Variants in NOMO3 observed in about 807,000 individuals in gnomAD.
NOMO3 encodes the protein NODAL modulator 3.
A neutral mutation model predicts 69.9 loss-of-function variants in NOMO3; 15 were observed. The observed-to-expected ratio is 0.21, with a 90% CI of 0.14 to 0.33. The LOEUF (loss-of-function observed/expected upper bound fraction) is 0.33, where lower values mean the gene tolerates loss of function less well. Ranked by LOEUF, NOMO3 falls within the 10% of genes least tolerant of loss-of-function variation. The probability of loss-of-function intolerance (pLI) is 1.00; values close to 1 mark genes in which losing one functional copy is unlikely to be tolerated. For missense variants in NOMO3, 218 were observed against 761.0 expected, an observed-to-expected ratio of 0.29 and a Z score of 8.39; for synonymous variants, 89 against 301.9, an observed-to-expected ratio of 0.29 and a Z score of 7.31.
intron 3 of NOMO3, among the ~76,000 whole-genome samples, chr16:16,242,018 G>GT (rs1386134875): frequency 2.8e-5 from 4 of 142,720 alleles, no homozygotes; most frequent in African/African-American, 5.7e-5. Flanking sequence ...GATATCGTCA[G>GT]TTTTTTTTAA....
At chr16:16,236,231 A>T (rs2049325864) in intron 1 of NOMO3, among the ~76,000 whole-genome samples, 1 of 145,456 alleles carries the variant, frequency 6.9e-6, no homozygotes, top group Non-Finnish European at 1.5e-5. Context: ...AGGAATTTGC[A>T]ATTTATTTTA....
chr16:16,248,143 G>GT (rs1442240809), intron 6 of NOMO3, among the ~76,000 whole-genome samples: 2 of 42,032 alleles, frequency 4.8e-5, no homozygotes, highest in Non-Finnish European at 8.2e-5. Flanking sequence ...CTGGAGTGCA[G>GT]TGGCATGATT....
intron 5 of NOMO3, among the ~76,000 whole-genome samples, chr16:16,246,402 G>GTT (rs1430558180): frequency 7.1e-6 from 1 of 140,192 alleles, no homozygotes; most frequent in Non-Finnish European, 1.5e-5. Context: ...ATATGGAGCT[G>GTT]TAATTTTTTT....
intron 6 of NOMO3, among the ~76,000 whole-genome samples, chr16:16,248,081 C>CTTTT (rs1169035278): frequency 1.1e-5 from 1 of 87,140 alleles, no homozygotes; most frequent in African/African-American, 6.8e-5. Context: ...TGGATACAGT[C>CTTTT]TTTTTTTTTT....
chr16:16,243,464 G>T (rs1383919167), intron 4 of NOMO3, among the ~76,000 whole-genome samples: 1 of 143,564 alleles, frequency 7.0e-6, no homozygotes, highest in Non-Finnish European at 1.5e-5. Context: ...TGAGGTTGCT[G>T]GTCATCCCCT....
chr16:16,238,295 C>T (rs1272151227), intron 2 of NOMO3, among the ~76,000 whole-genome samples: 6 of 135,452 alleles, frequency 4.4e-5, no homozygotes, highest in Non-Finnish European at 9.2e-5. Flanking sequence ...TGCAGTGGCG[C>T]GATCTCGGCT....
In NOMO3 at chr16:16,233,509, T is replaced by G. The variant is rs1322856508; in HGVS notation, c.165+678T>G. The stretch of plus-strand genomic sequence containing the variant: ...TAGAGATTTGTGCTGAAGGTTTTTT[T>G]TTTTTTTTTTTTTAATTAAGTTGTA... On this transcript the variant is annotated intron_variant, in intron 1 of 30. Coordinates refer to ENST00000399336, the MANE Select transcript of NOMO3 (RefSeq NM_001004067.4). Among the ~76,000 whole-genome samples the G allele has an allele frequency of 3.2e-5, 4 of 126,652 alleles. 2 individuals carry two copies. Among genetic ancestry groups the G allele is most frequent in the Non-Finnish European group, 6.9e-5 (4 of 57,976 alleles). 83.1% of individuals were successfully genotyped at this position (126,652 alleles called of 152,430 possible). A position where few individuals can be genotyped will look rare whatever the true frequency, so the allele number is the denominator to read the frequency against.
rs553981889 is a variant in NOMO3, at chr16:16,258,550, G to T, written c.1220+2392G>T. Among the ~76,000 whole-genome samples the T allele has an allele frequency of 3.7e-4, 52 of 139,032 alleles. 5 individuals are homozygous for T. The South Asian group carries it at 0.01, about 27-fold the overall frequency. The allele number at this position is 139,032 out of a possible 152,430, so 91.2% of individuals were successfully genotyped here. A position where few individuals can be genotyped will look rare whatever the true frequency, so the allele number is the denominator to read the frequency against. ...TTGGGATTGGGCTTTGCTCCCTAAT[G>T]CAGTGGAAACCCGTTAGGAGTTGTC... On this transcript the variant is annotated intron_variant, in intron 11 of 30. Transcript: ENST00000399336.
rs1412395960 is a variant in NOMO3, at chr16:16,244,285, A to C, written c.403-783A>C. Among the ~76,000 whole-genome samples, 7 of 141,428 alleles carry C rather than the reference A, an allele frequency of 4.9e-5. 2 individuals carry two copies. Among genetic ancestry groups the C allele is most frequent in the African/African-American group, 1.5e-4 (5 of 34,430 alleles). The allele number at this position is 141,428 out of a possible 152,430, so 92.8% of individuals were successfully genotyped here. A position where few individuals can be genotyped will look rare whatever the true frequency, so the allele number is the denominator to read the frequency against. On this transcript the variant is annotated intron_variant, in intron 4 of 30. Transcript: ENST00000399336. ...TTTTTCTTTATCGATGGTTTGCAAA[A>C]TAATGGTGAACCTTTTTTTATTTTT...
chr16:16,265,553 G>A (rs1442133841), intron 15 of NOMO3, among the ~76,000 whole-genome samples: 1 of 130,152 alleles, frequency 7.7e-6, no homozygotes. Flanking sequence ...ACTTCTCAGG[G>A]TTATGGCAGG....
chr16:16,266,621 A>ATG (rs2049621858), intron 15 of NOMO3: 2 of 388,032 alleles, frequency 5.2e-6, no homozygotes, highest in South Asian at 3.8e-5. Flanking sequence ...TTCAGGAGAG[A>ATG]TGTGCCCTGG....
chr16:16,260,327 T>C (rs1232556473), intron 11 of NOMO3, among the ~76,000 whole-genome samples: 4 of 140,948 alleles, frequency 2.8e-5, no homozygotes, highest in Non-Finnish European at 5.9e-5. Flanking sequence ...TATCTTTCTT[T>C]TGATTTTTTT....
At position 16,249,474 on chromosome 16, in the gene NOMO3, C is replaced by T. The variant is rs550614007; in HGVS notation, c.583-1454C>T. Among the ~76,000 whole-genome samples, 100 of 134,752 alleles carry T rather than the reference C, an allele frequency of 7.4e-4. 10 individuals carry two copies. The highest frequency in any genetic ancestry group is 3.0e-3 in the African/African-American group (92 of 30,800). 88.4% of individuals were successfully genotyped at this position (134,752 alleles called of 152,430 possible). ...GCATACACCTGTAATCCCAGCTACT[C>T]GGGAGGCTGAGGCAGGAGAATCGCT... On this transcript the variant is annotated intron_variant, in intron 6 of 30. Coordinates refer to ENST00000399336, the MANE Select transcript of NOMO3 (RefSeq NM_001004067.4).
At chr16:16,252,828 A>ATTT (rs1180588275) in intron 9 of NOMO3, among the ~76,000 whole-genome samples, 19 of 66,684 alleles carry the variant, frequency 2.8e-4, no homozygotes, top group African/African-American at 7.7e-4. Context: ...TGTGGACCTC[A>ATTT]TTTTTTTTTT....
Position 16,259,175 on chromosome 16 carries a change from T to C in NOMO3, c.1221-2327T>C, listed in dbSNP as rs2856551. On this transcript the variant is annotated intron_variant, in intron 11 of 30. Coordinates refer to ENST00000399336, the MANE Select transcript of NOMO3 (RefSeq NM_001004067.4). ...TGAGCCACTGGGTAGATGGAGGCGG[T>C]GCTGTTCACGGAGATGGAGGAAATA... is the stretch of plus-strand genomic sequence containing the variant. 4.9e-5 allele frequency among the ~76,000 whole-genome samples: 7 copies of C among 144,080 alleles called. 1 individual carries two copies. In the East Asian group the frequency reaches 6.8e-4, roughly 14 times the overall value. The allele number at this position is 144,080 out of a possible 152,430, so 94.5% of individuals were successfully genotyped here. A position where few individuals can be genotyped will look rare whatever the true frequency, so the allele number is the denominator to read the frequency against.
rs1178037593 is a variant in NOMO3, at chr16:16,249,751, G to A, written c.583-1177G>A. Among the ~76,000 whole-genome samples the A allele has an allele frequency of 1.4e-5, 2 of 143,940 alleles. 1 individual carries two copies. Among genetic ancestry groups the A allele is most frequent in the African/African-American group, 5.7e-5 (2 of 35,350 alleles). 94.4% of individuals were successfully genotyped at this position (143,940 alleles called of 152,430 possible). A position where few individuals can be genotyped will look rare whatever the true frequency, so the allele number is the denominator to read the frequency against. On this transcript the variant is annotated intron_variant, in intron 6 of 30. Coordinates refer to ENST00000399336, the MANE Select transcript of NOMO3 (RefSeq NM_001004067.4). ...GCATGTTGTTAGAAGTCAGGATAAT[G>A]TTTATCTTCCTGGGGTGTTAGTGAC...
intron 11 of NOMO3, among the ~76,000 whole-genome samples, chr16:16,259,272 GA>G (rs1417333074): frequency 2.8e-5 from 4 of 144,710 alleles, no homozygotes; most frequent in Admixed American, 6.7e-5. Context: ...AACATTTTTG[GA>G]AAAATCTCTT....
At chr16:16,235,232 C>T (rs2049317357) in intron 1 of NOMO3, among the ~76,000 whole-genome samples, 2 of 151,162 alleles carry the variant, frequency 1.3e-5, no homozygotes, top group African/African-American at 4.9e-5. Flanking sequence ...CTTTGTACAT[C>T]ATCTTAGCTG....
In NOMO3 at chr16:16,235,876, C is replaced by G. The variant is rs2049322218; in HGVS notation, c.166-1025C>G. 4.5e-6 allele frequency: 2 copies of G among 440,876 alleles called. 1 individual carries two copies. The highest frequency in any genetic ancestry group is 4.8e-5 in the Admixed American group (2 of 41,332). 27.3% of individuals were successfully genotyped at this position (440,876 alleles called of 1,614,324 possible). On this transcript the variant is annotated intron_variant, in intron 1 of 30. Coordinates refer to ENST00000399336, the MANE Select transcript of NOMO3 (RefSeq NM_001004067.4). ...TAATATGCATTGATGTGAATCTGTA[C>G]AACCACATGAAAAGGAGTGGCTCTA... is the stretch of plus-strand genomic sequence containing the variant.
Sources: allele counts gnomAD v4.1 joint callset (sites outside exome capture counted in the v4.1 genomes callset), GRCh38; gene constraint gnomAD v4.1.1; transcripts MANE v1.5; gene names NCBI Gene and HGNC (gene_info 2026-07-23, HGNC 2026-07-21).